HS6ST3: variants seen among roughly 807,000 people sequenced by gnomAD.
HS6ST3 encodes heparan-sulfate 6-O-sulfotransferase 3.
Under a neutral mutation model 36.7 loss-of-function variants are expected in HS6ST3, and 12 were observed. The ratio of observed to expected loss-of-function variants is 0.33; its 90% CI spans 0.21 to 0.53. The LOEUF (loss-of-function observed/expected upper bound fraction) is 0.53. HS6ST3 is among the 20% of genes least tolerant of loss of function. The pLI, the probability that HS6ST3 is intolerant of heterozygous loss-of-function variation, is 0.95. For missense variants in HS6ST3, 584 were observed against 640.9 expected (o/e 0.91, Z 0.96); for synonymous variants, 240 against 257.5 (o/e 0.93, Z 0.65).
chr13:96,349,115 C>G (rs543729717), intron 1 of HS6ST3, among the ~76,000 whole-genome samples: 1 of 152,288 alleles, frequency 6.6e-6, no homozygotes, highest in Admixed American at 6.5e-5. Flanking sequence ...ATTTCACATA[C>G]AATCCAATGT....
chr13:96,763,024 A>G (rs1034179701), intron 1 of HS6ST3, among the ~76,000 whole-genome samples: 1 of 152,154 alleles, frequency 6.6e-6, no homozygotes, highest in South Asian at 2.1e-4. Flanking sequence ...TCAAAAGGTG[A>G]TTTAGTTCTT....
intron 1 of HS6ST3, among the ~76,000 whole-genome samples, chr13:96,808,447 A>G (rs1878246887): frequency 6.6e-6 from 1 of 152,158 alleles, no homozygotes; most frequent in African/African-American, 2.4e-5. Flanking sequence ...TGACTGTTTC[A>G]TTGCTTAACT....
intron 1 of HS6ST3, among the ~76,000 whole-genome samples, chr13:96,607,943 A>G (rs2056444727): frequency 6.6e-6 from 1 of 152,210 alleles, no homozygotes; most frequent in Non-Finnish European, 1.5e-5. Context: ...AAACTCTGAT[A>G]TGGCCTATAA....
At chr13:96,682,902 T>G (rs1034937199) in intron 1 of HS6ST3, among the ~76,000 whole-genome samples, 1 of 152,208 alleles carries the variant, frequency 6.6e-6, no homozygotes, top group South Asian at 2.1e-4. Context: ...AGAAGCAACT[T>G]TATATGCTCC....
chr13:96,313,340 T>G (rs2054951233), intron 1 of HS6ST3, among the ~76,000 whole-genome samples: 1 of 151,754 alleles, frequency 6.6e-6, no homozygotes, highest in Non-Finnish European at 1.5e-5. Context: ...TAGTATCTTA[T>G]GAGAAGTAAA....
intron 1 of HS6ST3, among the ~76,000 whole-genome samples, chr13:96,297,705 A>G (rs2054861900): frequency 6.6e-6 from 1 of 152,132 alleles, no homozygotes; most frequent in Non-Finnish European, 1.5e-5. Flanking sequence ...TCCAGACAAA[A>G]GATGTGTCCC....
chr13:96,543,562 G>A (rs1381359967), intron 1 of HS6ST3, among the ~76,000 whole-genome samples: 1 of 152,154 alleles, frequency 6.6e-6, no homozygotes. Context: ...TTCTCCCTAT[G>A]GATCATCTCT....
chr13:96,471,568 C>T (rs1436825721), intron 1 of HS6ST3, among the ~76,000 whole-genome samples: 1 of 152,164 alleles, frequency 6.6e-6, no homozygotes, highest in Non-Finnish European at 1.5e-5. Context: ...CCAGGATTCT[C>T]TCATTTTCAT....
At position 96,333,724 on chromosome 13, in the gene HS6ST3, A is replaced by G. The variant is rs1265322700; in HGVS notation, c.707+242155A>G. 2.0e-5 allele frequency among the ~76,000 whole-genome samples: 3 copies of G among 152,168 alleles called. No homozygotes were observed. The East Asian group carries it at 5.8e-4, about 29-fold the overall frequency. Reference sequence around the variant, plus strand: ...GGGGTAGGTGCTTTATAAGATTTAAATATTTTTTTGATGGCAGGACACTCC... The same window carrying G: ...GGGGTAGGTGCTTTATAAGATTTAAGTATTTTTTTGATGGCAGGACACTCC... On this transcript the variant is annotated intron_variant, in intron 1 of 1. Transcript: ENST00000376705.
intron 1 of HS6ST3, among the ~76,000 whole-genome samples, chr13:96,199,455 T>C (rs1394416250): frequency 6.6e-6 from 1 of 152,216 alleles, no homozygotes; most frequent in Non-Finnish European, 1.5e-5. Context: ...ATTATATTAA[T>C]TTAAAAATTA....
intron 1 of HS6ST3, among the ~76,000 whole-genome samples, chr13:96,598,792 A>G (rs72642789): frequency 0.011 from 1,632 of 152,226 alleles, 20 homozygotes; most frequent in African/African-American, 0.025. Context: ...CCAATTCAGT[A>G]TGATATTAAC....
chr13:96,738,346 G>C (rs560942047), intron 1 of HS6ST3, among the ~76,000 whole-genome samples: 1 of 151,714 alleles, frequency 6.6e-6, no homozygotes, highest in African/African-American at 2.4e-5. Flanking sequence ...CAAGGTTATT[G>C]ACTGCAGTAA....
rs145243665 is a variant in HS6ST3, at chr13:96,384,279, T to C, written c.707+292710T>C. Among the ~76,000 whole-genome samples the C allele has an allele frequency of 4.6e-5, 7 of 152,310 alleles. 1 individual carries two copies. The highest frequency in any genetic ancestry group is 1.7e-4 in the African/African-American group (7 of 41,580). ...TATTTTATTTTATTTTTGTTCTTTT[T>C]ATTCTTATTTAAAATCATATTTATT... On this transcript the variant is annotated intron_variant, in intron 1 of 1. Transcript: ENST00000376705.
At chr13:96,451,768 T>C (rs2055729422) in intron 1 of HS6ST3, among the ~76,000 whole-genome samples, 1 of 152,168 alleles carries the variant, frequency 6.6e-6, no homozygotes, top group African/African-American at 2.4e-5. Context: ...ATTGAGAAGA[T>C]AGATATTTTT....
intron 1 of HS6ST3, among the ~76,000 whole-genome samples, chr13:96,193,452 G>A (rs1352420219): frequency 6.6e-6 from 1 of 152,150 alleles, no homozygotes; most frequent in Non-Finnish European, 1.5e-5. Flanking sequence ...GAAAAGTGAA[G>A]GGAACTTTGG....
At position 96,765,583 on chromosome 13, in the gene HS6ST3, TC is replaced by T. The variant is rs1336555547; in HGVS notation, c.708-66906del. Among the ~76,000 whole-genome samples, 8 of 116,614 alleles carry T rather than the reference TC, an allele frequency of 6.9e-5. No individual in the cohort carries two copies. The East Asian group carries it at 2.0e-3, about 29-fold the overall frequency. The allele number at this position is 116,614 out of a possible 152,430, so 76.5% of individuals were successfully genotyped here. A position where few individuals can be genotyped will look rare whatever the true frequency, so the allele number is the denominator to read the frequency against. ...TGTGAACAGAGATGTATGCGCTCTCTCTCTTTCTCTCTCTCTCTCTCTCTCT... is the reference window on the plus strand; with the variant it reads ...TGTGAACAGAGATGTATGCGCTCTCTTCTTTCTCTCTCTCTCTCTCTCTCT... On this transcript the variant is annotated intron_variant, in intron 1 of 1. Transcript: ENST00000376705.
intron 1 of HS6ST3, among the ~76,000 whole-genome samples, chr13:96,478,805 G>T (rs2055876301): frequency 6.6e-6 from 1 of 152,112 alleles, no homozygotes; most frequent in African/African-American, 2.4e-5. Flanking sequence ...GAGATTTGGG[G>T]GCTAAGAAGG....
intron 1 of HS6ST3, among the ~76,000 whole-genome samples, chr13:96,817,718 A>G (rs944610898): frequency 6.6e-6 from 1 of 152,154 alleles, no homozygotes; most frequent in Non-Finnish European, 1.5e-5. Flanking sequence ...CTCCAATATA[A>G]CACGTCATTT....
At chr13:96,671,091 G>C (rs2056681121) in intron 1 of HS6ST3, among the ~76,000 whole-genome samples, 1 of 151,988 alleles carries the variant, frequency 6.6e-6, no homozygotes, top group Admixed American at 6.6e-5. Context: ...TGACTAGAAG[G>C]GACCCCCTCA....
Sources: gnomAD v4.1 joint callset for allele counts (sites outside exome capture counted in the v4.1 genomes callset) on GRCh38, gnomAD v4.1.1 for gene constraint, MANE v1.5 for transcripts, NCBI Gene and HGNC (gene_info 2026-07-23, HGNC 2026-07-21) for gene names.